Variants in RPS6KC1 observed in about 807,000 individuals in gnomAD.
RPS6KC1 encodes inactive ribosomal protein S6 kinase delta-1.
Under a neutral mutation model 103.8 loss-of-function variants are expected in RPS6KC1, and 54 were observed. That is an observed-to-expected ratio of 0.52 (90% CI 0.42 to 0.65). RPS6KC1 has a LOEUF of 0.65. RPS6KC1 is among the 30% of genes least tolerant of loss of function. The pLI, the probability that RPS6KC1 is intolerant of heterozygous loss-of-function variation, is 0.00. For missense variants in RPS6KC1, 1,151 were observed against 1,253.8 expected (o/e 0.92, Z 1.24); for synonymous variants, 439 against 438.7 (o/e 1.00, Z -0.01).
the RPS6KC1 span, among the ~76,000 whole-genome samples, chr1:213,384,543 A>T: frequency 6.6e-6 from 1 of 152,156 alleles, no homozygotes; most frequent in South Asian, 2.1e-4. Context: ...TGGAGGGCAG[A>T]GGTGAACTGA....
At chr1:213,847,718 T>C in the RPS6KC1 span, among the ~76,000 whole-genome samples, 6 of 152,186 alleles carry the variant, frequency 3.9e-5, no homozygotes, top group African/African-American at 1.4e-4. Context: ...TTGATGTCTA[T>C]GGTACCCCCT....
At chr1:213,182,589 CAG>C (rs1267431646) in intron 8 of RPS6KC1, among the ~76,000 whole-genome samples, 1 of 151,594 alleles carries the variant, frequency 6.6e-6, no homozygotes, top group Non-Finnish European at 1.5e-5. Context: ...AGAGAACAAA[CAG>C]AACGCAAAAT....
At chr1:213,433,326 A>C in the RPS6KC1 span, among the ~76,000 whole-genome samples, 1 of 152,196 alleles carries the variant, frequency 6.6e-6, no homozygotes, top group Non-Finnish European at 1.5e-5. Flanking sequence ...AATCCAGGAT[A>C]ATTTTCTCAC....
At chr1:213,422,369 A>G in the RPS6KC1 span, among the ~76,000 whole-genome samples, 1 of 152,162 alleles carries the variant, frequency 6.6e-6, no homozygotes, top group African/African-American at 2.4e-5. Context: ...TTATAGGTAT[A>G]TGCCACATTT....
At chr1:213,712,540 C>G in the RPS6KC1 span, among the ~76,000 whole-genome samples, 6 of 152,158 alleles carry the variant, frequency 3.9e-5, no homozygotes, top group African/African-American at 1.4e-4. Flanking sequence ...GTCTTGCTTG[C>G]GTTCCAGGCA....
At chr1:213,616,170 G>T in the RPS6KC1 span, among the ~76,000 whole-genome samples, 5 of 152,196 alleles carry the variant, frequency 3.3e-5, no homozygotes, top group Admixed American at 3.3e-4. Flanking sequence ...ATCAGAAAAA[G>T]GATATTAAAA....
intron 6 of RPS6KC1, among the ~76,000 whole-genome samples, chr1:213,155,181 G>A (rs78058645): frequency 0.038 from 5,844 of 152,134 alleles, 162 homozygotes; most frequent in African/African-American, 0.082. Flanking sequence ...GAGGAATGGC[G>A]TGTCTTTTGG....
intron 8 of RPS6KC1, among the ~76,000 whole-genome samples, chr1:213,217,534 C>T (rs543054244): frequency 1.3e-5 from 2 of 152,324 alleles, no homozygotes; most frequent in African/African-American, 2.4e-5. Context: ...AGGCCAGCGT[C>T]ATCCTGATAC....
the RPS6KC1 span, among the ~76,000 whole-genome samples, chr1:213,410,649 G>A: frequency 6.6e-6 from 1 of 152,162 alleles, no homozygotes; most frequent in Non-Finnish European, 1.5e-5. Context: ...AGGAGCAGGG[G>A]AGTTTGATGG....
At chr1:213,226,584 C>T (rs1343859993) in intron 8 of RPS6KC1, among the ~76,000 whole-genome samples, 2 of 152,090 alleles carry the variant, frequency 1.3e-5, no homozygotes, top group Admixed American at 6.6e-5. Flanking sequence ...TATTGAAAGG[C>T]TTATATATGT....
chr1:213,850,554 C>T, the RPS6KC1 span, among the ~76,000 whole-genome samples: 13,135 of 152,242 alleles, frequency 0.086, 711 homozygotes, highest in South Asian at 0.19. Flanking sequence ...CGATGAGCTA[C>T]TAAGCACCCA....
At chr1:213,763,117 C>T in the RPS6KC1 span, among the ~76,000 whole-genome samples, 2 of 152,132 alleles carry the variant, frequency 1.3e-5, no homozygotes, top group African/African-American at 4.8e-5. Context: ...CCTTGGCCTC[C>T]CAAAGTTCTG....
At chr1:213,641,138 T>C in the RPS6KC1 span, among the ~76,000 whole-genome samples, 1 of 147,954 alleles carries the variant, frequency 6.8e-6, no homozygotes, top group Non-Finnish European at 1.5e-5. Flanking sequence ...GATATTAATA[T>C]AACCACTGAT....
the RPS6KC1 span, among the ~76,000 whole-genome samples, chr1:213,680,351 C>G: frequency 6.6e-6 from 1 of 152,178 alleles, no homozygotes. Context: ...TGAAAGCTGC[C>G]TTCTGAGTCC....
At chr1:213,191,055 T>C (rs1273416725) in intron 8 of RPS6KC1, among the ~76,000 whole-genome samples, 1 of 152,198 alleles carries the variant, frequency 6.6e-6, no homozygotes, top group Non-Finnish European at 1.5e-5. Flanking sequence ...TATAGCTCTT[T>C]AGTATAATTT....
At chr1:213,253,916 G>C (rs1284457518) in intron 12 of RPS6KC1, among the ~76,000 whole-genome samples, 1 of 152,062 alleles carries the variant, frequency 6.6e-6, no homozygotes, top group Non-Finnish European at 1.5e-5. Flanking sequence ...TATTATTTTG[G>C]CTGTAAGAGG....
chr1:213,099,739 C>T (rs2081843168), intron 3 of RPS6KC1, among the ~76,000 whole-genome samples: 1 of 152,132 alleles, frequency 6.6e-6, no homozygotes, highest in Non-Finnish European at 1.5e-5. Context: ...TAAATGGAAT[C>T]ACGCTGTACA....
the RPS6KC1 span, among the ~76,000 whole-genome samples, chr1:213,676,539 T>C: frequency 1.3e-5 from 2 of 152,220 alleles, no homozygotes; most frequent in Non-Finnish European, 2.9e-5. Flanking sequence ...AGTTGAACTC[T>C]AATTCAGCAA....
the RPS6KC1 span, among the ~76,000 whole-genome samples, chr1:213,801,123 T>A: frequency 1.3e-5 from 2 of 152,216 alleles, no homozygotes; most frequent in Non-Finnish European, 1.5e-5. Context: ...ACCTGGCTTT[T>A]CTCTGTTGGA....
Sources: allele counts gnomAD v4.1 joint callset (sites outside exome capture counted in the v4.1 genomes callset), GRCh38; gene constraint gnomAD v4.1.1; transcripts MANE v1.5; gene names NCBI Gene and HGNC (gene_info 2026-07-23, HGNC 2026-07-21).